Variants in DPYD observed in about 807,000 individuals in gnomAD.
DPYD encodes the protein dihydropyrimidine dehydrogenase, also known as dihydropyrimidine dehydrogenase [NADP(+)].
A neutral mutation model predicts 116.2 loss-of-function variants in DPYD; 109 were observed. That is an observed-to-expected ratio of 0.94 (90% CI 0.80 to 1.10). DPYD has a LOEUF of 1.10. Among genes scored for constraint, DPYD ranks in the 50% least tolerant of loss-of-function variants. The probability of loss-of-function intolerance (pLI) is 0.00; values close to 1 mark genes in which losing one functional copy is unlikely to be tolerated. For synonymous variants in DPYD, 440 were observed against 432.0 expected, an observed-to-expected ratio of 1.02 and a Z score of -0.23; for missense variants, 1,302 against 1,254.5, an observed-to-expected ratio of 1.04 and a Z score of -0.57.
At chr1:97,772,333 TA>T (rs1461272391) in intron 3 of DPYD, among the ~76,000 whole-genome samples, 1 of 152,210 alleles carries the variant, frequency 6.6e-6, no homozygotes, top group Non-Finnish European at 1.5e-5. Context: ...TCAGAAATTG[TA>T]CTTCTTTCTT....
At chr1:97,393,492 G>T (rs576862956) in intron 14 of DPYD, among the ~76,000 whole-genome samples, 6 of 151,198 alleles carry the variant, frequency 4.0e-5, no homozygotes, top group African/African-American at 1.5e-4. Flanking sequence ...CCTACCTTGT[G>T]TCCAAGTGTT....
At chr1:97,808,600 C>T (rs143614728) in intron 3 of DPYD, among the ~76,000 whole-genome samples, 86 of 152,224 alleles carry the variant, frequency 5.6e-4, no homozygotes, top group South Asian at 1.0e-3. Flanking sequence ...TCTTCCCAAA[C>T]TGTACACCTT....
At chr1:97,631,734 G>A (rs1245417048) in intron 8 of DPYD, among the ~76,000 whole-genome samples, 1 of 151,918 alleles carries the variant, frequency 6.6e-6, no homozygotes, top group African/African-American at 2.4e-5. Context: ...ACATATTTAG[G>A]AATTTGAACA....
chr1:97,346,752 A>T (rs989511981), intron 16 of DPYD, among the ~76,000 whole-genome samples: 17 of 151,826 alleles, frequency 1.1e-4, no homozygotes, highest in Admixed American at 1.1e-3. Context: ...TCAAGCTTCC[A>T]TATCTGTCTG....
At chr1:97,718,542 A>G (rs1662745198) in intron 5 of DPYD, among the ~76,000 whole-genome samples, 1 of 151,918 alleles carries the variant, frequency 6.6e-6, no homozygotes, top group South Asian at 2.1e-4. Flanking sequence ...TTGAGGTGGT[A>G]ATTTTAAGTA....
chr1:97,291,073 G>A (rs909421139), intron 18 of DPYD, among the ~76,000 whole-genome samples: 10 of 152,170 alleles, frequency 6.6e-5, no homozygotes, highest in Non-Finnish European at 1.3e-4. Flanking sequence ...GCAGCCATCA[G>A]ACAAATGAAA....
At chr1:97,825,135 T>A (rs1669171608) in intron 3 of DPYD, among the ~76,000 whole-genome samples, 1 of 152,106 alleles carries the variant, frequency 6.6e-6, no homozygotes, top group African/African-American at 2.4e-5. Context: ...TCGTCCTTTT[T>A]ACACACCAGG....
chr1:97,235,512 T>G (rs1661857943), intron 18 of DPYD, among the ~76,000 whole-genome samples: 1 of 152,002 alleles, frequency 6.6e-6, no homozygotes, highest in Admixed American at 6.5e-5. Flanking sequence ...TAATCCCAGC[T>G]ACTTGGGAGG....
chr1:97,663,918 AAT>A (rs1659407148), intron 8 of DPYD, among the ~76,000 whole-genome samples: 2 of 152,222 alleles, frequency 1.3e-5, no homozygotes, highest in African/African-American at 4.8e-5. Flanking sequence ...AATGAATAGA[AAT>A]ATATACATGT....
At chr1:97,174,365 C>A (rs1019499883) in intron 20 of DPYD, among the ~76,000 whole-genome samples, 14 of 152,122 alleles carry the variant, frequency 9.2e-5, no homozygotes, top group African/African-American at 3.1e-4. Flanking sequence ...GTTGTGACAC[C>A]ACATCCACTA....
At chr1:97,324,213 T>C (rs1054251746) in intron 16 of DPYD, among the ~76,000 whole-genome samples, 3 of 152,020 alleles carry the variant, frequency 2.0e-5, no homozygotes, top group Admixed American at 6.6e-5. Context: ...AGCCATCTTG[T>C]ATCCTGCCAA....
intron 8 of DPYD, among the ~76,000 whole-genome samples, chr1:97,651,657 C>T (rs977725115): frequency 3.9e-5 from 6 of 151,978 alleles, no homozygotes; most frequent in Admixed American, 3.3e-4. Context: ...CCTCCTACAG[C>T]GTAATAGATT....
chr1:97,694,842 C>G (rs1469723017), intron 6 of DPYD, among the ~76,000 whole-genome samples: 1 of 151,968 alleles, frequency 6.6e-6, no homozygotes, highest in Admixed American at 6.6e-5. Flanking sequence ...ATGTCCTCTG[C>G]CAAAATAAAA....
rs150801835 is a variant in DPYD at position 97,258,267 on chromosome 1, C to T, written c.2300-23273G>A. On this transcript the variant is annotated intron_variant, in intron 18 of 22. Coordinates refer to ENST00000370192, the MANE Select transcript of DPYD (RefSeq NM_000110.4). Reference sequence around the variant, plus strand: ...GACTGACCCCAAGAAAACAGAGCCCCACTTCATGCTTTGCTAAACTTCTTT... The same window carrying T: ...GACTGACCCCAAGAAAACAGAGCCCTACTTCATGCTTTGCTAAACTTCTTT... Among the ~76,000 whole-genome samples the T allele has an allele frequency of 1.6e-4, 25 of 152,268 alleles. No homozygotes were observed. The East Asian group carries it at 4.8e-3, about 29-fold the overall frequency.
At chr1:97,162,596 C>A (rs887086790) in intron 20 of DPYD, among the ~76,000 whole-genome samples, 1 of 151,948 alleles carries the variant, frequency 6.6e-6, no homozygotes, top group African/African-American at 2.4e-5. Flanking sequence ...CATCAAGCTA[C>A]CAATGACTTT....
At chr1:97,843,322 T>C (rs1311956579) in intron 2 of DPYD, among the ~76,000 whole-genome samples, 1 of 152,096 alleles carries the variant, frequency 6.6e-6, no homozygotes. Context: ...CTTTTGAATA[T>C]AAATAACACT....
At position 97,323,434 on chromosome 1, in the gene DPYD, A is replaced by ATATGTACACGCATGTATACATATGTGTC. The variant is rs1558030139; in HGVS notation, c.2059-17138_2059-17137insGACACATATGTATACATGCGTGTACATA. On this transcript the variant is annotated intron_variant, in intron 16 of 22. Coordinates refer to ENST00000370192, the MANE Select transcript of DPYD (RefSeq NM_000110.4). ...TGTACACGTATATATACATATGTGT[A>ATATGTACACGCATGTATACATATGTGTC]TATGTACACGTATATACATATCATA... Among the ~76,000 whole-genome samples the ATATGTACACGCATGTATACATATGTGTC allele has an allele frequency of 2.1e-4, 21 of 100,488 alleles. 2 individuals carry two copies. Among genetic ancestry groups the ATATGTACACGCATGTATACATATGTGTC allele is most frequent in the African/African-American group, 6.0e-4 (19 of 31,864 alleles). 65.9% of individuals were successfully genotyped at this position (100,488 alleles called of 152,430 possible). A position where few individuals can be genotyped will look rare whatever the true frequency, so the allele number is the denominator to read the frequency against.
At chr1:97,322,549 T>A (rs1668359258) in intron 16 of DPYD, among the ~76,000 whole-genome samples, 1 of 152,020 alleles carries the variant, frequency 6.6e-6, no homozygotes, top group African/African-American at 2.4e-5. Flanking sequence ...AAATTCAAAA[T>A]GAAATTCATG....
chr1:97,835,525 A>C (rs1453557833), intron 2 of DPYD, among the ~76,000 whole-genome samples: 2 of 152,106 alleles, frequency 1.3e-5, no homozygotes, highest in Non-Finnish European at 2.9e-5. Flanking sequence ...CTTTTTTGAG[A>C]TAAATTAAAA....
Sources: allele counts gnomAD v4.1 joint callset (sites outside exome capture counted in the v4.1 genomes callset), GRCh38; gene constraint gnomAD v4.1.1; transcripts MANE v1.5; gene names NCBI Gene and HGNC (gene_info 2026-07-23, HGNC 2026-07-21).